The following NVL variants were observed in gnomAD, a reference collection of about 807,000 sequenced individuals.
NVL encodes nuclear valosin-containing protein-like.
A neutral mutation model predicts 110.2 loss-of-function variants in NVL; 84 were observed. That is an observed-to-expected ratio of 0.76 (90% CI 0.64 to 0.91). The LOEUF is 0.91. Among genes scored for constraint, NVL ranks in the 40% least tolerant of loss-of-function variants. NVL has a pLI of 0.00. For missense variants in NVL, 882 were observed against 1,035.9 expected, an observed-to-expected ratio of 0.85 and a Z score of 2.04; for synonymous variants, 354 against 361.1, an observed-to-expected ratio of 0.98 and a Z score of 0.22.
intron 4 of NVL, 78 bp downstream of exon 4, chr1:224,317,615 GC>G: frequency 3.7e-6 from 3 of 821,082 alleles, no homozygotes; most frequent in Admixed American, 4.1e-5. Context: ...GCAATGAAGA[GC>G]CACTGAAAGT....
At chr1:224,291,180 A>G (rs1667341830) in intron 12 of NVL, among the ~76,000 whole-genome samples, 1 of 152,218 alleles carries the variant, frequency 6.6e-6, no homozygotes, top group Non-Finnish European at 1.5e-5. Flanking sequence ...ACAATGGCTG[A>G]TCTACAGTTA....
rs192731958 is a variant in NVL at position 224,253,212 on chromosome 1, C to T, written c.2183-2894G>A. Among the ~76,000 whole-genome samples the T allele has an allele frequency of 1.1e-4, 16 of 151,678 alleles. No individual in the cohort carries two copies. In the East Asian group the frequency reaches 2.0e-3, roughly 19 times the overall value. On this transcript the variant is annotated intron_variant, in intron 18 of 22. Transcript: ENST00000281701. ...AGTGTGCCCCCCTGCCCCCCACGCCCGGCTAAGTTTTCTATTTTTAGTAGA... is the reference window on the plus strand; with the variant it reads ...AGTGTGCCCCCCTGCCCCCCACGCCTGGCTAAGTTTTCTATTTTTAGTAGA...
chr1:224,268,317 A>G (rs1330874722), intron 17 of NVL, among the ~76,000 whole-genome samples, 184 bp from the exon 18 acceptor site: 1 of 145,128 alleles, frequency 6.9e-6, no homozygotes, highest in Non-Finnish European at 1.5e-5. Context: ...CAGCAATCCT[A>G]TTATTATCCA....
intron 1 of NVL, among the ~76,000 whole-genome samples, chr1:224,328,018 C>T (rs977508541): frequency 1.1e-4 from 16 of 152,016 alleles, no homozygotes; most frequent in Non-Finnish European, 1.6e-4. Context: ...CTCTAGATGT[C>T]TGTGACTCCA....
intron 19 of NVL, among the ~76,000 whole-genome samples, chr1:224,244,532 C>T (rs971278685): frequency 4.6e-5 from 7 of 151,676 alleles, no homozygotes; most frequent in African/African-American, 1.5e-4. Context: ...AGTGCAGTGG[C>T]GTGATCTCGG....
intron 20 of NVL, among the ~76,000 whole-genome samples, chr1:224,235,912 G>A (rs1466732192): frequency 7.0e-6 from 1 of 143,832 alleles, no homozygotes; most frequent in East Asian, 2.0e-4. Context: ...CAGCCTGGGT[G>A]AAAGAGGGAA....
intron 2 of NVL, 54 bp from the exon 3 acceptor site, chr1:224,317,984 A>G (rs1572058986): frequency 8.1e-7 from 1 of 1,230,098 alleles, no homozygotes; most frequent in East Asian, 2.3e-5. Flanking sequence ...ATATTTTTCC[A>G]TTAAGTTCAA....
intron 15 of NVL, 55 bp from the exon 16 acceptor site, chr1:224,281,240 A>G (rs1428569637): frequency 3.7e-6 from 5 of 1,349,434 alleles, no homozygotes; most frequent in Admixed American, 3.4e-5. Flanking sequence ...TAATAATAAC[A>G]ATAATAATGA....
At chr1:224,316,076 G>A (rs901275230) in intron 4 of NVL, among the ~76,000 whole-genome samples, 12 of 151,996 alleles carry the variant, frequency 7.9e-5, no homozygotes, top group African/African-American at 2.9e-4. Context: ...GCACCCGTAT[G>A]GGAGAATCGC....
intron 18 of NVL, among the ~76,000 whole-genome samples, chr1:224,257,798 C>T (rs1375582404): frequency 6.6e-6 from 1 of 152,078 alleles, no homozygotes; most frequent in African/African-American, 2.4e-5. Flanking sequence ...TGTTGGCCTC[C>T]CAAAGTGCTG....
At chr1:224,326,122 G>A (rs970242303) in intron 2 of NVL, among the ~76,000 whole-genome samples, 1 of 152,188 alleles carries the variant, frequency 6.6e-6, no homozygotes, top group Non-Finnish European at 1.5e-5. Context: ...AGGAAAGGAA[G>A]TGATATAATA....
chr1:224,294,718 A>C (rs3767725), intron 11 of NVL, among the ~76,000 whole-genome samples: 8,827 of 152,228 alleles, frequency 0.058, 285 homozygotes, highest in East Asian at 0.094. Flanking sequence ...AATAAGAGAA[A>C]AGACATCATG....
chr1:224,326,270 T>C (rs16846649), intron 2 of NVL, 121 bp downstream of exon 2: 48,558 of 650,174 alleles, frequency 0.075, 2,155 homozygotes, highest in South Asian at 0.12. Flanking sequence ...TCCAAGATTA[T>C]GGATTGGTGA....
intron 4 of NVL, among the ~76,000 whole-genome samples, chr1:224,313,450 G>T (rs776802691): frequency 1.3e-5 from 2 of 152,050 alleles, no homozygotes; most frequent in African/African-American, 2.4e-5. Flanking sequence ...AAGACTGATA[G>T]ATTTGACTAC....
At chr1:224,325,489 T>A (rs953794016) in intron 2 of NVL, among the ~76,000 whole-genome samples, 1 of 150,022 alleles carries the variant, frequency 6.7e-6, no homozygotes, top group Non-Finnish European at 1.5e-5. Flanking sequence ...ATCCCAGCAC[T>A]TTGGGAGGCC....
At chr1:224,268,914 CT>C (rs1664768385) in intron 17 of NVL, among the ~76,000 whole-genome samples, 1 of 152,084 alleles carries the variant, frequency 6.6e-6, no homozygotes, top group South Asian at 2.1e-4. Context: ...CCACCTCGGC[CT>C]CCCAAAGTGC....
chr1:224,300,502 G>A (rs1668292428), intron 10 of NVL, 60 bp downstream of exon 10: 4 of 1,203,880 alleles, frequency 3.3e-6, no homozygotes, highest in Admixed American at 4.1e-5. Context: ...AGAAAAAGCA[G>A]GATCTTTAAT....
chr1:224,300,606 C>T lies in NVL; in HGVS notation c.1018G>A (p.Gly340Arg). 1 of 1,613,972 alleles carries T rather than the reference C, an allele frequency of 6.2e-7. No homozygotes were observed. Among genetic ancestry groups the T allele is most frequent in the Non-Finnish European group, 8.5e-7 (1 of 1,179,934 alleles). ...AAPEIVSGVS[G>R]ESEQKLRELF... ...TCTCTCAGCTTCTGCTCAGACTCTC[C>T]GGATACTCCAGACACAATCTCTGGA... The change falls in exon 10 of 23, where the codon GGA becomes AGA. Residue 340 changes from glycine (G) to arginine (R), a missense_variant. Gly to Arg is a moderately radical substitution (Grantham distance 125). Transcript: ENST00000281701.
chr1:224,319,543 T>C lies in NVL; in HGVS notation c.132-1613A>G, dbSNP rs182227730. Among the ~76,000 whole-genome samples, 232 of 152,266 alleles carry C rather than the reference T, an allele frequency of 1.5e-3. 1 individual carries two copies. Among genetic ancestry groups the C allele is most frequent in the African/African-American group, 5.2e-3 (218 of 41,548 alleles). On this transcript the variant is annotated intron_variant, in intron 2 of 22. Transcript: ENST00000281701. ...TGACCCAGAGTCTAGTCAAGGTTCA[T>C]GCATTTACTTGGTTGTTGTGTCTCT...
Sources: allele counts gnomAD v4.1 joint callset (sites outside exome capture counted in the v4.1 genomes callset), GRCh38; gene constraint gnomAD v4.1.1; transcripts MANE v1.5; gene names NCBI Gene and HGNC (gene_info 2026-07-23, HGNC 2026-07-21).